NDRG3: variants seen among roughly 807,000 people sequenced by gnomAD.
NDRG3 encodes the protein NDRG family member 3, also known as protein NDRG3.
Under a neutral mutation model 57.2 loss-of-function variants are expected in NDRG3, and 23 were observed. That is an observed-to-expected ratio of 0.40 (90% CI 0.29 to 0.57). NDRG3 has a LOEUF of 0.57. Ranked by LOEUF, NDRG3 falls within the 20% of genes least tolerant of loss-of-function variation. The pLI is 0.42. For synonymous variants in NDRG3, 132 were observed against 162.6 expected (o/e 0.81, Z 1.43); for missense variants, 384 against 457.3 (o/e 0.84, Z 1.46).
chr20:36,677,760 C>A (rs1980889150), intron 8 of NDRG3, among the ~76,000 whole-genome samples: 1 of 152,184 alleles, frequency 6.6e-6, no homozygotes, highest in Non-Finnish European at 1.5e-5. Context: ...TTCCTCTGAG[C>A]TGTTCTAACA....
intron 1 of NDRG3, among the ~76,000 whole-genome samples, chr20:36,733,160 AAAAAAAAAAAAATATATATATATATAT>A (rs1234777382): frequency 3.7e-5 from 2 of 54,730 alleles, no homozygotes; most frequent in African/African-American, 2.4e-4. Flanking sequence ...AAAAAAAAAA[AAAAAAAAAAAAATATATATATATATAT>A]ATATATATAT....
At chr20:36,745,611 G>A (rs1163166714) in intron 1 of NDRG3, among the ~76,000 whole-genome samples, 1 of 152,358 alleles carries the variant, frequency 6.6e-6, no homozygotes, top group Non-Finnish European at 1.5e-5. Context: ...GGGCCGGACG[G>A]GTGCAAGGGC....
At chr20:36,731,901 A>AAATC (rs1985308611) in intron 1 of NDRG3, among the ~76,000 whole-genome samples, 3 of 152,150 alleles carry the variant, frequency 2.0e-5, no homozygotes, top group African/African-American at 7.2e-5. Flanking sequence ...TGGGAGGATC[A>AAATC]CTTGAGTCCA....
At chr20:36,708,523 C>G (rs1415583490) in intron 2 of NDRG3, among the ~76,000 whole-genome samples, 1 of 151,588 alleles carries the variant, frequency 6.6e-6, no homozygotes, top group Non-Finnish European at 1.5e-5. Context: ...ATGGAGGCGC[C>G]TGTAATCCCA....
intron 13 of NDRG3, 142 bp downstream of exon 13, chr20:36,660,195 G>T: frequency 1.7e-6 from 1 of 599,646 alleles, no homozygotes; most frequent in East Asian, 3.5e-5. Context: ...GCAACACAGC[G>T]GGACTCTGTC....
intron 2 of NDRG3, among the ~76,000 whole-genome samples, chr20:36,719,425 CAAA>C (rs542067369): frequency 4.2e-5 from 3 of 71,208 alleles, no homozygotes; most frequent in Non-Finnish European, 8.5e-5. Flanking sequence ...GACTCCGTTT[CAAA>C]AAAAAAAAAA....
intron 2 of NDRG3, among the ~76,000 whole-genome samples, chr20:36,711,443 GA>G (rs574912556): frequency 6.6e-6 from 1 of 151,978 alleles, no homozygotes; most frequent in Non-Finnish European, 1.5e-5. Flanking sequence ...TTTAAGATTA[GA>G]AAAAATCACT....
At chr20:36,723,208 T>C (rs1471654590) in intron 1 of NDRG3, among the ~76,000 whole-genome samples, 4 of 152,178 alleles carry the variant, frequency 2.6e-5, no homozygotes, top group African/African-American at 4.8e-5. Flanking sequence ...GAGTGATCTA[T>C]AGCAATAGAG....
At chr20:36,681,388 C>T (rs1017773207) in intron 7 of NDRG3, among the ~76,000 whole-genome samples, 2 of 151,764 alleles carry the variant, frequency 1.3e-5, no homozygotes, top group East Asian at 1.9e-4. Context: ...CTGTAATCTC[C>T]GCACTTTGGG....
chr20:36,691,060 G>C (rs1481283972), intron 3 of NDRG3, among the ~76,000 whole-genome samples: 3 of 152,250 alleles, frequency 2.0e-5, no homozygotes, highest in Non-Finnish European at 4.4e-5. Context: ...GATGAAGCCT[G>C]TATCTATCTT....
chr20:36,697,963 C>CTTTTTTTTTTTTT (rs1026025529), intron 3 of NDRG3, among the ~76,000 whole-genome samples: 1 of 123,014 alleles, frequency 8.1e-6, no homozygotes, highest in Non-Finnish European at 1.7e-5. Context: ...TTTCTTTTTT[C>CTTTTTTTTTTTTT]TTTTTTTTTT....
intron 1 of NDRG3, among the ~76,000 whole-genome samples, chr20:36,744,093 G>A (rs1986064566): frequency 6.6e-6 from 1 of 151,642 alleles, no homozygotes; most frequent in Non-Finnish European, 1.5e-5. Context: ...TAGTACAGAC[G>A]GGGTTTCCCC....
chr20:36,735,941 T>G (rs1362070859), intron 1 of NDRG3, among the ~76,000 whole-genome samples: 1 of 127,646 alleles, frequency 7.8e-6, no homozygotes, highest in African/African-American at 3.1e-5. Context: ...ACCATTGCAC[T>G]CCAGCCTGGG....
At chr20:36,655,203 C>G (rs1445069074) in intron 15 of NDRG3, among the ~76,000 whole-genome samples, 3 of 151,536 alleles carry the variant, frequency 2.0e-5, no homozygotes, top group African/African-American at 7.3e-5. Flanking sequence ...TAGCGGCTCA[C>G]AGGCAAGGAT....
At chr20:36,722,108 C>T (rs1483787476) in intron 1 of NDRG3, among the ~76,000 whole-genome samples, 2 of 152,124 alleles carry the variant, frequency 1.3e-5, no homozygotes, top group African/African-American at 4.8e-5. Context: ...TCACATCTGT[C>T]TTGCTGAGGG....
At chr20:36,713,604 A>C (rs1984050334) in intron 2 of NDRG3, among the ~76,000 whole-genome samples, 1 of 152,208 alleles carries the variant, frequency 6.6e-6, no homozygotes, top group East Asian at 1.9e-4. Flanking sequence ...AAGATGAGAT[A>C]GATAAGACCT....
At chr20:36,687,181 G>A (rs1981858877) in intron 5 of NDRG3, among the ~76,000 whole-genome samples, 1 of 150,856 alleles carries the variant, frequency 6.6e-6, no homozygotes, top group South Asian at 2.1e-4. Context: ...CTTTCAAACA[G>A]ATAAGGAAGG....
chr20:36,727,420 A>G (rs536484115), intron 1 of NDRG3, among the ~76,000 whole-genome samples: 2 of 150,206 alleles, frequency 1.3e-5, no homozygotes, highest in South Asian at 4.2e-4. Flanking sequence ...GGGTTTCACC[A>G]TGTTGGCCAG....
intron 3 of NDRG3, 126 bp from the exon 4 acceptor site, chr20:36,688,910 G>A: frequency 1.4e-6 from 1 of 696,364 alleles, no homozygotes; most frequent in Non-Finnish European, 2.6e-6. Flanking sequence ...TAAATTACAT[G>A]TGGCTGGGCG....
Sources: gnomAD v4.1 joint callset for allele counts (sites outside exome capture counted in the v4.1 genomes callset) on GRCh38, gnomAD v4.1.1 for gene constraint, MANE v1.5 for transcripts, NCBI Gene and HGNC (gene_info 2026-07-23, HGNC 2026-07-21) for gene names.